Variants in TRMT44 observed in about 807,000 individuals in gnomAD.
The protein encoded by TRMT44 is tRNA methyltransferase 44 homolog.
Under a neutral mutation model 77.3 loss-of-function variants are expected in TRMT44, and 78 were observed. That is an observed-to-expected ratio of 1.01 (90% CI 0.84 to 1.22). The LOEUF is 1.22. Among genes scored for constraint, TRMT44 ranks in the 50% most tolerant of loss-of-function variants. The pLI is 0.00. For missense variants in TRMT44, 1,090 were observed against 964.4 expected, an observed-to-expected ratio of 1.13 and a Z score of -1.73; for synonymous variants, 391 against 383.3, an observed-to-expected ratio of 1.02 and a Z score of -0.23.
At chr4:8,495,254 G>C (rs981755949), downstream of TRMT44, among the ~76,000 whole-genome samples, 2 of 152,120 alleles carry the variant, frequency 1.3e-5, no homozygotes, top group African/African-American at 4.8e-5. Flanking sequence ...AAACCCCCAT[G>C]GGGTGTTAGT....
Position 8,446,248 on chromosome 4 carries a change from C to G in TRMT44, c.620-228C>G, listed in dbSNP as rs28450793. 9.9e-5 allele frequency among the ~76,000 whole-genome samples: 15 copies of G among 152,212 alleles called. No homozygotes were observed. Among genetic ancestry groups the G allele is most frequent in the Non-Finnish European group, 1.6e-4 (11 of 68,052 alleles). ...TTCCCTCAGGTCCTGGCTCATGCAT[C>G]TCTCAACAGATACTTGCAGAGAATG... On this transcript the variant is annotated intron_variant, in intron 1 of 10. Coordinates refer to ENST00000389737, the MANE Select transcript of TRMT44 (RefSeq NM_152544.3). This position sits in a 1 kb window ranked among gnomAD's most constrained non-coding sequence, Gnocchi z 4.3.
At chr4:8,464,117 GA>G in intron 7 of TRMT44, 26 bp downstream of exon 7, 1 of 1,587,642 alleles carries the variant, frequency 6.3e-7, no homozygotes, top group South Asian at 1.1e-5. Context: ...GTTATCAGGT[GA>G]ATGGCTGGGG....
intron 6 of TRMT44, among the ~76,000 whole-genome samples, chr4:8,455,358 G>T (rs1490210741): frequency 6.6e-6 from 1 of 152,244 alleles, no homozygotes; most frequent in Non-Finnish European, 1.5e-5. Context: ...GCACCCCCAT[G>T]AGCAAGTGGA....
intron 3 of TRMT44, among the ~76,000 whole-genome samples, 172 bp downstream of exon 3, chr4:8,450,060 G>A (rs1401884965): frequency 2.1e-5 from 3 of 145,136 alleles, no homozygotes; most frequent in Non-Finnish European, 3.0e-5. Context: ...TCTGCCTCCC[G>A]GGTTCAAGAG....
At chr4:8,499,552 G>C in the TRMT44 span, among the ~76,000 whole-genome samples, 1 of 150,984 alleles carries the variant, frequency 6.6e-6, no homozygotes, top group East Asian at 1.9e-4. Context: ...GTGTGTTGGG[G>C]CGTGTGGGGT....
At chr4:8,453,169 A>G (rs1317120699) in intron 5 of TRMT44, among the ~76,000 whole-genome samples, 180 bp downstream of exon 5, 5 of 152,244 alleles carry the variant, frequency 3.3e-5, no homozygotes, top group Non-Finnish European at 5.9e-5. Flanking sequence ...TCCTAAAACA[A>G]GGGAAACGTG....
At chr4:8,475,354 C>G (rs971933692) in intron 10 of TRMT44, among the ~76,000 whole-genome samples, 1 of 152,238 alleles carries the variant, frequency 6.6e-6, no homozygotes, top group East Asian at 1.9e-4. Flanking sequence ...CAGGACCTGC[C>G]TCTCAGCCAG....
At chr4:8,512,409 A>C in the TRMT44 span, 1 of 152,098 alleles carries the variant, frequency 6.6e-6, no homozygotes, top group Non-Finnish European at 1.5e-5. Flanking sequence ...TATTCTATGT[A>C]TTTCATCTTT....
At position 8,452,612 on chromosome 4, in the gene TRMT44, T is replaced by C. The variant is rs1163427531; in HGVS notation, c.1024-270T>C. Among the ~76,000 whole-genome samples, 1 of 152,054 alleles carries C rather than the reference T, an allele frequency of 6.6e-6. No homozygotes were observed. The highest frequency in any genetic ancestry group is 1.5e-5 in the Non-Finnish European group (1 of 68,016). On this transcript the variant is annotated intron_variant, in intron 4 of 10. Transcript: ENST00000389737. This position sits in a 1 kb window ranked among gnomAD's most constrained non-coding sequence, Gnocchi z 5.7. Reference sequence around the variant, plus strand: ...AGCCAGGCGTGGTGGCAGGAGCCCATAGTTCCAGCTACTGGGGAGGCTGAG... The same window carrying C: ...AGCCAGGCGTGGTGGCAGGAGCCCACAGTTCCAGCTACTGGGGAGGCTGAG...
chr4:8,457,427 G>C (rs1725875320), intron 6 of TRMT44, among the ~76,000 whole-genome samples: 1 of 152,122 alleles, frequency 6.6e-6, no homozygotes, highest in Non-Finnish European at 1.5e-5. Flanking sequence ...GTTGATATTG[G>C]ACAATGCTCC....
chr4:8,458,463 TC>T (rs751630000), intron 6 of TRMT44, among the ~76,000 whole-genome samples: 2 of 142,924 alleles, frequency 1.4e-5, no homozygotes, highest in Non-Finnish European at 3.0e-5. Context: ...TCTTTTCTTT[TC>T]TTTTTTTTTT....
chr4:8,446,234 C>T lies in TRMT44; in HGVS notation c.620-242C>T, dbSNP rs1259363213. On this transcript the variant is annotated intron_variant, in intron 1 of 10. Coordinates refer to ENST00000389737, the MANE Select transcript of TRMT44 (RefSeq NM_152544.3). The surrounding 1 kb of genome is among the most constrained non-coding windows in gnomAD (Gnocchi z 4.3). ...ACATTGGCTGGCTCTTCCCTCAGGTCCTGGCTCATGCATCTCTCAACAGAT... is the reference window on the plus strand; with the variant it reads ...ACATTGGCTGGCTCTTCCCTCAGGTTCTGGCTCATGCATCTCTCAACAGAT... Among the ~76,000 whole-genome samples, 1 of 152,202 alleles carries T rather than the reference C, an allele frequency of 6.6e-6. No homozygotes were observed. Among genetic ancestry groups the T allele is most frequent in the Non-Finnish European group, 1.5e-5 (1 of 68,044 alleles).
In TRMT44 at chr4:8,447,744, G is replaced by C. The variant is rs577125013; in HGVS notation, c.734+1154G>C. The stretch of plus-strand genomic sequence containing the variant: ...CAGAGGTTGCCCCGAGTTGTCAGGG[G>C]ATCCTGCCCTGAGGTCCCTTCCTGC... On this transcript the variant is annotated intron_variant, in intron 2 of 10. Transcript: ENST00000389737. Among the ~76,000 whole-genome samples, 33 of 152,336 alleles carry C rather than the reference G, an allele frequency of 2.2e-4. 1 individual carries two copies. The highest frequency in any genetic ancestry group is 7.0e-4 in the African/African-American group (29 of 41,574).
intron 2 of TRMT44, among the ~76,000 whole-genome samples, chr4:8,492,314 C>T (rs1728031769): frequency 6.6e-6 from 1 of 152,220 alleles, no homozygotes; most frequent in African/African-American, 2.4e-5. Context: ...AAGTCAGGTC[C>T]AGCCTTTCCT....
chr4:8,496,272 C>T (rs1425739001), downstream of TRMT44, among the ~76,000 whole-genome samples: 1 of 152,236 alleles, frequency 6.6e-6, no homozygotes, highest in Non-Finnish European at 1.5e-5. Flanking sequence ...GCTTTTACTT[C>T]CTTCCTTTGT....
chr4:8,460,644 C>T (rs1470203164), intron 6 of TRMT44, among the ~76,000 whole-genome samples: 3 of 151,338 alleles, frequency 2.0e-5, no homozygotes, highest in Non-Finnish European at 2.9e-5. Context: ...GCCTCCACCT[C>T]CCAGGTTCAA....
the TRMT44 span, among the ~76,000 whole-genome samples, chr4:8,513,967 C>G: frequency 6.6e-6 from 1 of 152,144 alleles, no homozygotes; most frequent in South Asian, 2.1e-4. Context: ...TTGGTTTGAA[C>G]CCAAACCATC....
chr4:8,463,736 G>A (rs966889083), intron 6 of TRMT44, among the ~76,000 whole-genome samples: 1 of 152,070 alleles, frequency 6.6e-6, no homozygotes, highest in Non-Finnish European at 1.5e-5. Context: ...AAGGCGATTA[G>A]CACTCAGAAA....
At position 8,446,961 on chromosome 4, in the gene TRMT44, C is replaced by T. The variant is rs1461677328; in HGVS notation, c.734+371C>T. ...AGTGCATTGGTGCCATCGCATTTCA[C>T]TGCAACCTCTACCTCCTGCATTTAA... On this transcript the variant is annotated intron_variant, in intron 2 of 10. Coordinates refer to ENST00000389737, the MANE Select transcript of TRMT44 (RefSeq NM_152544.3). The surrounding 1 kb of genome is among the most constrained non-coding windows in gnomAD (Gnocchi z 4.3). 3.3e-5 allele frequency among the ~76,000 whole-genome samples: 5 copies of T among 152,230 alleles called. No homozygotes were observed. Among genetic ancestry groups the T allele is most frequent in the African/African-American group, 1.2e-4 (5 of 41,456 alleles).
Sources: allele counts gnomAD v4.1 joint callset (sites outside exome capture counted in the v4.1 genomes callset), GRCh38; gene constraint gnomAD v4.1.1; non-coding constraint Gnocchi (gnomAD v3.1); transcripts MANE v1.5; gene names NCBI Gene and HGNC (gene_info 2026-07-23, HGNC 2026-07-21).